The following STARD4 variants were observed in gnomAD, a reference collection of about 807,000 sequenced individuals.
STARD4 encodes the protein StAR related lipid transfer domain containing 4.
In STARD4, 33 loss-of-function variants were observed where a neutral mutation model predicts 24.9. That is an observed-to-expected ratio of 1.32 (90% confidence interval 1.00 to 1.77). STARD4 has a LOEUF of 1.77. STARD4 is among the 40% of genes most tolerant of loss of function. STARD4 has a pLI of 0.00. For synonymous variants in STARD4, 88 were observed against 77.4 expected (o/e 1.14, Z -0.72); for missense variants, 238 against 249.3 (o/e 0.95, Z 0.31).
Position 111,502,023 on chromosome 5 carries a change from G to C in STARD4, c.221C>G (p.Pro74Arg), listed in dbSNP as rs1486565123. 1 of 1,614,114 alleles carries C rather than the reference G, an allele frequency of 6.2e-7. No homozygotes were observed. Among genetic ancestry groups the C allele is most frequent in the Non-Finnish European group, 8.5e-7 (1 of 1,180,012 alleles). The change falls in exon 4 of 6, where the codon CCT (proline) becomes CGT (arginine). Residue 74 changes from proline to arginine, a missense_variant. Physicochemically the swap from Pro to Arg is moderately radical, Grantham distance 103. Transcript: ENST00000296632. ...YSIIDHIRPG[P>R]CRLDWDSLMT... ...CAAGCTGTCCCAATCCAAACGACAAGGCCCTGGGCGTATATGGTCTATTAT... is the reference window on the plus strand; with the variant it reads ...CAAGCTGTCCCAATCCAAACGACAACGCCCTGGGCGTATATGGTCTATTAT...
chr5:111,511,111 CCAAT>C (rs1757235936), intron 1 of STARD4, among the ~76,000 whole-genome samples: 1 of 152,168 alleles, frequency 6.6e-6, no homozygotes, highest in African/African-American at 2.4e-5. Context: ...TGCTTGATTT[CCAAT>C]CAATGTTGAA....
chr5:111,511,545 T>C (rs1294611903), intron 1 of STARD4, among the ~76,000 whole-genome samples: 1 of 152,224 alleles, frequency 6.6e-6, no homozygotes, highest in Non-Finnish European at 1.5e-5. Context: ...GAATAGTAGC[T>C]TAATGTCTAT....
In STARD4 at chr5:111,497,293, T is replaced by A. The variant is rs1412670136; in HGVS notation, c.*2593A>T. ...AACTGATTTATATCTAAAGTTTAGATGTCCTATTTATCAAGCAATGAAGGC... is the reference window on the plus strand; with the variant it reads ...AACTGATTTATATCTAAAGTTTAGAAGTCCTATTTATCAAGCAATGAAGGC... On this transcript the variant is annotated 3_prime_UTR_variant, in exon 6 of 6. Coordinates refer to ENST00000296632, the MANE Select transcript of STARD4 (RefSeq NM_139164.3). The A allele has an allele frequency of 1.3e-5, 2 of 152,048 alleles. No individual in the cohort carries two copies. The highest frequency in any genetic ancestry group is 2.9e-5 in the Non-Finnish European group (2 of 67,936). 9.4% of individuals were successfully genotyped at this position (152,048 alleles called of 1,614,324 possible). A position where few individuals can be genotyped will look rare whatever the true frequency, so the allele number is the denominator to read the frequency against.
Position 111,498,545 on chromosome 5 carries a change from A to G in STARD4, c.*1341T>C, listed in dbSNP as rs1756221493. On this transcript the variant is annotated 3_prime_UTR_variant, in exon 6 of 6. Coordinates refer to ENST00000296632, the MANE Select transcript of STARD4 (RefSeq NM_139164.3). ...TCAAAACTAACATTTACCAATTTCC[A>G]TGAGAAACTGAAACTAAACTACTGA... 6.6e-6 allele frequency: 1 copy of G among 152,058 alleles called. No homozygotes were observed. Among genetic ancestry groups the G allele is most frequent in the African/African-American group, 2.4e-5 (1 of 41,432 alleles). The allele number at this position is 152,058 out of a possible 1,614,324, so 9.4% of individuals were successfully genotyped here.
In STARD4 at chr5:111,502,025, C is replaced by T. The variant is rs1246855555; in HGVS notation, c.219G>A (p.Gly73=). The change falls in exon 4 of 6, where the codon GGG becomes GGA. Residue 73 remains glycine (G), a synonymous_variant. Transcript: ENST00000296632. ...AGCTGTCCCAATCCAAACGACAAGG[C>T]CCTGGGCGTATATGGTCTATTATAC... The part of the protein sequence containing the change: ...VYSIIDHIRP[G]PCRLDWDSLM... 1.2e-6 allele frequency: 2 copies of T among 1,614,124 alleles called. No homozygotes were observed. The highest frequency in any genetic ancestry group is 1.1e-5 in the South Asian group (1 of 91,080).
At chr5:111,504,962 G>T in intron 3 of STARD4, 1 of 443,404 alleles carries the variant, frequency 2.3e-6, no homozygotes, top group Non-Finnish European at 4.5e-6. Context: ...TGACTTCTGT[G>T]CTGCGGCCTC....
intron 2 of STARD4, 49 bp from the exon 3 acceptor site, chr5:111,506,428 T>C (rs747934896): frequency 1.1e-6 from 1 of 904,738 alleles, no homozygotes; most frequent in Non-Finnish European, 1.7e-6. Flanking sequence ...GGTGGAACCC[T>C]AGACACAAAA....
At chr5:111,511,236 T>A (rs1329876248) in intron 1 of STARD4, among the ~76,000 whole-genome samples, 1 of 152,164 alleles carries the variant, frequency 6.6e-6, no homozygotes, top group Non-Finnish European at 1.5e-5. Context: ...ATTTCTACAA[T>A]ATGAATAGTG....
At chr5:111,502,660 G>C (rs1484688988) in intron 3 of STARD4, among the ~76,000 whole-genome samples, 1 of 151,654 alleles carries the variant, frequency 6.6e-6, no homozygotes, top group African/African-American at 2.4e-5. Context: ...AGGCATGGTG[G>C]CTCCTGCCAG....
intron 2 of STARD4, 78 bp from the exon 3 acceptor site, chr5:111,506,457 T>A: frequency 1.7e-6 from 1 of 603,484 alleles, no homozygotes; most frequent in Non-Finnish European, 2.7e-6. Context: ...TTTATAAGTC[T>A]ATAGAATTTG....
chr5:111,500,483 A>G (rs1580844316), intron 5 of STARD4: 3 of 1,042,700 alleles, frequency 2.9e-6, no homozygotes, highest in Non-Finnish European at 3.5e-6. Flanking sequence ...AGTTAAGAAT[A>G]AACAAGTAGA....
rs1021490678 is a variant in STARD4, at chr5:111,507,773, T to C, written c.-9-331A>G. Among the ~76,000 whole-genome samples the C allele has an allele frequency of 2.0e-5, 3 of 152,170 alleles. No homozygotes were observed. Among genetic ancestry groups the C allele is most frequent in the Admixed American group, 6.5e-5 (1 of 15,280 alleles). On this transcript the variant is annotated intron_variant, in intron 1 of 5. Coordinates refer to ENST00000296632, the MANE Select transcript of STARD4 (RefSeq NM_139164.3). The surrounding 1 kb of genome is among the most constrained non-coding windows in gnomAD (Gnocchi z 4.4). ...GATATGCTGTTAACTCTCAAACATTTACCTCCAGTCCTCTTTGTTTCAATG... is the reference window on the plus strand; with the variant it reads ...GATATGCTGTTAACTCTCAAACATTCACCTCCAGTCCTCTTTGTTTCAATG...
At position 111,502,091 on chromosome 5, in the gene STARD4, G is replaced by T; in HGVS notation, c.156-3C>A. The stretch of plus-strand genomic sequence containing the variant: ...CTATAACACCTTGGGCTTTGTAGCT[G>T]GAGAAAAAAAGTTTAAGTCAACCGC... On this transcript the variant is annotated splice_region_variant and splice_polypyrimidine_tract_variant and intron_variant, in intron 3 of 5. Transcript: ENST00000296632. 6.2e-7 allele frequency: 1 copy of T among 1,605,230 alleles called. No individual in the cohort carries two copies. Among genetic ancestry groups the T allele is most frequent in the South Asian group, 1.1e-5 (1 of 89,566 alleles).
In STARD4 at chr5:111,497,438, C is replaced by G. The variant is rs1756158455; in HGVS notation, c.*2448G>C. On this transcript the variant is annotated 3_prime_UTR_variant, in exon 6 of 6. Coordinates refer to ENST00000296632, the MANE Select transcript of STARD4 (RefSeq NM_139164.3). ...ACTGTGCTATTCAATACAGTATCCACTGGCCTCATGTGGCTAATGAGCACT... is the reference window on the plus strand; with the variant it reads ...ACTGTGCTATTCAATACAGTATCCAGTGGCCTCATGTGGCTAATGAGCACT... The G allele has an allele frequency of 6.6e-6, 1 of 151,990 alleles. No homozygotes were observed. The highest frequency in any genetic ancestry group is 1.5e-5 in the Non-Finnish European group (1 of 67,906). The allele number at this position is 151,990 out of a possible 1,614,324, so 9.4% of individuals were successfully genotyped here. A position where few individuals can be genotyped will look rare whatever the true frequency, so the allele number is the denominator to read the frequency against.
intron 3 of STARD4, among the ~76,000 whole-genome samples, chr5:111,505,618 G>C (rs945127006): frequency 6.6e-6 from 1 of 151,978 alleles, no homozygotes; most frequent in Non-Finnish European, 1.5e-5. Flanking sequence ...TGATTATTCA[G>C]GTTTATAATT....
At chr5:111,500,681 T>C in intron 5 of STARD4, 1 of 1,339,516 alleles carries the variant, frequency 7.5e-7, no homozygotes, top group Non-Finnish European at 9.5e-7. Flanking sequence ...TCTCTGTGTA[T>C]GACCAAGAAA....
rs1159789471 is a variant in STARD4 at position 111,507,233 on chromosome 5, G to C, written c.105+96C>G. 1.0e-6 allele frequency: 1 copy of C among 993,654 alleles called. No individual in the cohort carries two copies. Among genetic ancestry groups the C allele is most frequent in the Non-Finnish European group, 1.5e-6 (1 of 665,422 alleles). 61.6% of individuals were successfully genotyped at this position (993,654 alleles called of 1,614,324 possible). ...TTCTTGCATATCCATCCAAAGTATGGTCTTTGTCCATATTGTTCCATTTAA... is the reference window on the plus strand; with the variant it reads ...TTCTTGCATATCCATCCAAAGTATGCTCTTTGTCCATATTGTTCCATTTAA... On this transcript the variant is annotated intron_variant, in intron 2 of 5. Transcript: ENST00000296632. This position sits in a 1 kb window ranked among gnomAD's most constrained non-coding sequence, Gnocchi z 4.4.
At chr5:111,500,670 T>G in intron 5 of STARD4, 1 of 1,298,630 alleles carries the variant, frequency 7.7e-7, no homozygotes, top group Non-Finnish European at 9.7e-7. Context: ...AATCTAGTAC[T>G]TCTCTGTGTA....
rs1756077265 is a variant in STARD4, at chr5:111,496,118, A to C, written c.*3768T>G. The C allele has an allele frequency of 6.6e-6, 1 of 152,022 alleles. No individual in the cohort carries two copies. Among genetic ancestry groups the C allele is most frequent in the African/African-American group, 2.4e-5 (1 of 41,448 alleles). 9.4% of individuals were successfully genotyped at this position (152,022 alleles called of 1,614,324 possible). On this transcript the variant is annotated 3_prime_UTR_variant, in exon 6 of 6. Transcript: ENST00000296632. ...TTTATTGATACTAATACATATTATT[A>C]GTTTAATAAATATTCTAGTTTTACA...
Sources: gnomAD v4.1 joint callset for allele counts (sites outside exome capture counted in the v4.1 genomes callset) on GRCh38, gnomAD v4.1.1 for gene constraint, Gnocchi (gnomAD v3.1) non-coding constraint, MANE v1.5 for transcripts, NCBI Gene and HGNC (gene_info 2026-07-23, HGNC 2026-07-21) for gene names.